AZIN1: variants seen among roughly 807,000 people sequenced by gnomAD.
AZIN1 encodes antizyme inhibitor 1.
A neutral mutation model predicts 47.4 loss-of-function variants in AZIN1; 12 were observed. The observed-to-expected ratio is 0.25, with a 90% CI of 0.16 to 0.41. AZIN1 has a LOEUF of 0.41. Ranked by LOEUF, AZIN1 falls within the 10% of genes least tolerant of loss-of-function variation. The probability of loss-of-function intolerance (pLI) is 1.00; values close to 1 mark genes in which losing one functional copy is unlikely to be tolerated. For missense variants in AZIN1, 410 were observed against 532.4 expected (o/e 0.77, Z 2.26); for synonymous variants, 155 against 176.3 (o/e 0.88, Z 0.96).
At chr8:102,847,885 C>G (rs1255907022) in intron 2 of AZIN1, among the ~76,000 whole-genome samples, 3 of 152,208 alleles carry the variant, frequency 2.0e-5, no homozygotes, top group Non-Finnish European at 4.4e-5. Flanking sequence ...ATGAGCCACT[C>G]TGTCCAGCTC....
chr8:102,860,514 C>T (rs1813574728), intron 1 of AZIN1, among the ~76,000 whole-genome samples: 1 of 152,094 alleles, frequency 6.6e-6, no homozygotes, highest in Non-Finnish European at 1.5e-5. Flanking sequence ...CCACCCACCT[C>T]GACCTCCCAA....
chr8:102,830,054 G>A (rs1236952706), intron 9 of AZIN1, 118 bp from the exon 10 acceptor site: 24 of 698,682 alleles, frequency 3.4e-5, no homozygotes, highest in East Asian at 1.9e-4. Context: ...CATAGAGCAC[G>A]CATTTCACAA....
Position 102,838,758 on chromosome 8 carries a change from A to G in AZIN1, c.435T>C (p.Asn145=), listed in dbSNP as rs1287671371. ...TTTATACTTACTTGGCATTTGGGTG[A>G]TTACGTGCAATTTTCTTCAATTCAA... ...NEIELKKIAR[N]HPNAKVLLHI... Residue 145 remains asparagine, a synonymous_variant, in exon 5 of 12, where the codon AAT becomes AAC. Transcript: ENST00000337198. 2 of 1,612,474 alleles carry G rather than the reference A, an allele frequency of 1.2e-6. No individual in the cohort carries two copies. Among genetic ancestry groups the G allele is most frequent in the South Asian group, 2.2e-5 (2 of 90,600 alleles).
intron 2 of AZIN1, among the ~76,000 whole-genome samples, chr8:102,850,834 G>A (rs1252936296): frequency 6.6e-6 from 1 of 152,116 alleles, no homozygotes; most frequent in Admixed American, 6.6e-5. Context: ...TATTTTAAAA[G>A]AGAAGAACAA....
chr8:102,828,581 A>G lies in AZIN1; in HGVS notation c.1333T>C (p.Ser445Pro), dbSNP rs559992326. 12 of 1,607,444 alleles carry G rather than the reference A, an allele frequency of 7.5e-6. No homozygotes were observed. The highest frequency in any genetic ancestry group is 5.3e-5 in the African/African-American group (4 of 74,942). The change falls in exon 12 of 12, where the codon TCC (serine) becomes CCC (proline). Residue 445 changes from serine (S) to proline (P), a missense_variant. Physicochemically the swap from Ser to Pro is moderately conservative, Grantham distance 74. This residue lies in a region of AZIN1 where 168 missense variants were observed against 198.3 expected (regional missense o/e 0.85). Transcript: ENST00000337198. ...CIQLSQEDSFSAEA is the reference protein window; with the variant it reads ...CIQLSQEDSFPAEA ...TTAATGCCTGTTTAAGCTTCAGCGG[A>G]AAAGCTGTCTTCTTGGCTCAGCTGA...
intron 1 of AZIN1, among the ~76,000 whole-genome samples, chr8:102,863,394 G>A (rs572330534): frequency 2.0e-5 from 3 of 151,918 alleles, no homozygotes; most frequent in African/African-American, 7.2e-5. Flanking sequence ...TAGGGGCTGC[G>A]GGACCCCGGC....
intron 2 of AZIN1, among the ~76,000 whole-genome samples, chr8:102,852,803 C>T (rs1451257899): frequency 2.0e-5 from 3 of 152,110 alleles, no homozygotes; most frequent in Admixed American, 6.5e-5. Flanking sequence ...TAACTTGTGA[C>T]AAATTGCTTG....
At chr8:102,837,979 G>A (rs1811928369) in intron 5 of AZIN1, among the ~76,000 whole-genome samples, 2 of 152,124 alleles carry the variant, frequency 1.3e-5, no homozygotes, top group African/African-American at 4.8e-5. Flanking sequence ...TGTTGCCCAG[G>A]CTGGAGTGCA....
intron 5 of AZIN1, among the ~76,000 whole-genome samples, chr8:102,837,985 G>A (rs1363144259): frequency 6.6e-6 from 1 of 152,150 alleles, no homozygotes; most frequent in East Asian, 1.9e-4. Context: ...CCAGGCTGGA[G>A]TGCAGTGGCT....
At position 102,826,619 on chromosome 8, in the gene AZIN1, A is replaced by T. The variant is rs1811124792; in HGVS notation, c.*1948T>A. ...TCTTAAAAGTTACCGTATCATTCAC[A>T]TGTGATATTTGCAACTCTGAGCTAT... On this transcript the variant is annotated 3_prime_UTR_variant, in exon 12 of 12. Transcript: ENST00000337198. 1 of 152,670 alleles carries T rather than the reference A, an allele frequency of 6.6e-6. No individual in the cohort carries two copies. The highest frequency in any genetic ancestry group is 1.5e-5 in the Non-Finnish European group (1 of 68,038). 9.5% of individuals were successfully genotyped at this position (152,670 alleles called of 1,614,324 possible). A position where few individuals can be genotyped will look rare whatever the true frequency, so the allele number is the denominator to read the frequency against.
chr8:102,844,143 A>T (rs1476017240), intron 2 of AZIN1, among the ~76,000 whole-genome samples: 4 of 152,234 alleles, frequency 2.6e-5, no homozygotes, highest in Non-Finnish European at 5.9e-5. Flanking sequence ...TCAAAATACC[A>T]GTCTCAACTT....
At chr8:102,836,194 C>A in intron 6 of AZIN1, 62 bp downstream of exon 6, 1 of 1,508,572 alleles carries the variant, frequency 6.6e-7, no homozygotes, top group South Asian at 1.2e-5. Flanking sequence ...AATCAATAAC[C>A]AGAAAGACAG....
intron 2 of AZIN1, chr8:102,855,633 G>A (rs1813235070): frequency 6.6e-6 from 1 of 152,152 alleles, no homozygotes; most frequent in South Asian, 2.1e-4. Context: ...GAATCCTAGT[G>A]GACCAGTTCA....
At chr8:102,832,462 CAG>C (rs1811520208) in intron 9 of AZIN1, among the ~76,000 whole-genome samples, 1 of 152,134 alleles carries the variant, frequency 6.6e-6, no homozygotes, top group Non-Finnish European at 1.5e-5. Flanking sequence ...AGTGTGAAAA[CAG>C]AGCCTCCCTC....
At chr8:102,841,805 T>TAAAAAAA (rs1269379100) in intron 3 of AZIN1, among the ~76,000 whole-genome samples, 4 of 114,388 alleles carry the variant, frequency 3.5e-5, no homozygotes, top group African/African-American at 9.7e-5. Context: ...TATATATATA[T>TAAAAAAA]AAAAAAAAAA....
chr8:102,856,904 T>C (rs532854369), intron 2 of AZIN1, among the ~76,000 whole-genome samples: 95 of 152,362 alleles, frequency 6.2e-4, no homozygotes, highest in African/African-American at 2.2e-3. Context: ...ATTTCTGTTC[T>C]AGGTGAGGAT....
In AZIN1 at chr8:102,827,699, T is replaced by G. The variant is rs1178552448; in HGVS notation, c.*868A>C. 1 of 152,626 alleles carries G rather than the reference T, an allele frequency of 6.6e-6. No individual in the cohort carries two copies. The highest frequency in any genetic ancestry group is 1.5e-5 in the Non-Finnish European group (1 of 68,022). The allele number at this position is 152,626 out of a possible 1,614,324, so 9.5% of individuals were successfully genotyped here. On this transcript the variant is annotated 3_prime_UTR_variant, in exon 12 of 12. Transcript: ENST00000337198. Reference sequence around the variant, plus strand: ...TTACTAAGGTACTCTATGCATTCTATCTATACAGAAACACCTATTTATTAT... The same window carrying G: ...TTACTAAGGTACTCTATGCATTCTAGCTATACAGAAACACCTATTTATTAT...
chr8:102,829,011 TAAAC>T (rs904170811), intron 11 of AZIN1, among the ~76,000 whole-genome samples: 3 of 152,218 alleles, frequency 2.0e-5, no homozygotes, highest in Admixed American at 6.5e-5. Flanking sequence ...CCAACAGTAT[TAAAC>T]AGAGTAACAT....
chr8:102,839,928 A>C, intron 3 of AZIN1, 105 bp from the exon 4 acceptor site: 1 of 723,288 alleles, frequency 1.4e-6, no homozygotes. Flanking sequence ...TATATGGGTC[A>C]AGACATATAT....
Sources: gnomAD v4.1 joint callset for allele counts (sites outside exome capture counted in the v4.1 genomes callset) on GRCh38, gnomAD v4.1.1 for gene constraint, gnomAD v4.1.1 regional missense constraint, MANE v1.5 for transcripts, NCBI Gene and HGNC (gene_info 2026-07-23, HGNC 2026-07-21) for gene names.